FAM227B: variants seen among roughly 807,000 people sequenced by gnomAD.
FAM227B encodes protein FAM227B.
FAM227B carries 88 observed loss-of-function variants against 73.8 expected under a neutral mutation model. The observed-to-expected ratio is 1.19, with a 90% confidence interval of 1.00 to 1.42. The LOEUF is 1.42. Ranked by LOEUF, FAM227B falls within the 40% of genes most tolerant of loss-of-function variation. The probability of loss-of-function intolerance (pLI) is 0.00; values close to 1 mark genes in which losing one functional copy is unlikely to be tolerated. For synonymous variants in FAM227B, 210 were observed against 190.5 expected (o/e 1.10, Z -0.84); for missense variants, 632 against 590.9 (o/e 1.07, Z -0.72).
chr15:49,438,820 T>C lies in FAM227B; in HGVS notation c.1013-67421A>G, dbSNP rs192101115. Among the ~76,000 whole-genome samples, 741 of 133,468 alleles carry C rather than the reference T, an allele frequency of 5.6e-3. 5 individuals carry two copies. The highest frequency in any genetic ancestry group is 0.019 in the African/African-American group (709 of 37,722). The allele number at this position is 133,468 out of a possible 152,430, so 87.6% of individuals were successfully genotyped here. A position where few individuals can be genotyped will look rare whatever the true frequency, so the allele number is the denominator to read the frequency against. On this transcript the variant is annotated intron_variant, in intron 11 of 15. Transcript: ENST00000299338. ...GATTACAGTTGTTAAATGTTACCAA[T>C]AGTGCTAAGCAACTGAGAGAGAGAG...
intron 11 of FAM227B, among the ~76,000 whole-genome samples, chr15:49,407,993 C>T (rs2048632889): frequency 6.6e-6 from 1 of 152,088 alleles, no homozygotes; most frequent in African/African-American, 2.4e-5. Context: ...GAGATTCATG[C>T]ACATGTTCTA....
intron 10 of FAM227B, among the ~76,000 whole-genome samples, chr15:49,515,006 A>AG (rs935147610): frequency 6.6e-6 from 1 of 152,146 alleles, no homozygotes; most frequent in Non-Finnish European, 1.5e-5. Flanking sequence ...ATTTTTGAAA[A>AG]GACCACTCTT....
chr15:49,460,999 T>G (rs1891779900), intron 11 of FAM227B, among the ~76,000 whole-genome samples: 1 of 152,158 alleles, frequency 6.6e-6, no homozygotes, highest in Non-Finnish European at 1.5e-5. Context: ...AAAGAATGAG[T>G]GATATTCATC....
intron 9 of FAM227B, among the ~76,000 whole-genome samples, chr15:49,550,745 G>C (rs748467236): frequency 1.3e-5 from 2 of 148,340 alleles, no homozygotes; most frequent in Admixed American, 6.7e-5. Context: ...AGAGGCGCTC[G>C]TCACTTCCTA....
chr15:49,391,040 T>A lies in FAM227B; in HGVS notation c.1013-19641A>T, dbSNP rs542971476. Among the ~76,000 whole-genome samples, 139 of 152,180 alleles carry A rather than the reference T, an allele frequency of 9.1e-4. 5 individuals carry two copies. In the South Asian group the frequency reaches 0.028, roughly 30 times the overall value. The stretch of plus-strand genomic sequence containing the variant: ...AGTTTCCGGCAACTCACTTTCCAAT[T>A]GGGTCTCAACTTTTTCATTTGTAAA... On this transcript the variant is annotated intron_variant, in intron 11 of 15. Transcript: ENST00000299338.
intron 13 of FAM227B, among the ~76,000 whole-genome samples, chr15:49,349,256 C>G (rs1000827691): frequency 1.3e-5 from 2 of 152,108 alleles, no homozygotes; most frequent in Non-Finnish European, 2.9e-5. Flanking sequence ...CATACTCATT[C>G]ATGTGAAACA....
chr15:49,561,537 A>C (rs1211987911), intron 9 of FAM227B, among the ~76,000 whole-genome samples: 10 of 152,060 alleles, frequency 6.6e-5, no homozygotes, highest in Non-Finnish European at 1.0e-4. Flanking sequence ...TCTACAGAGC[A>C]CTCCACCCAT....
chr15:49,587,836 T>C (rs1003557011), intron 5 of FAM227B, among the ~76,000 whole-genome samples, 180 bp downstream of exon 5: 16 of 152,064 alleles, frequency 1.1e-4, no homozygotes, highest in African/African-American at 3.6e-4. Context: ...CAATACTCAG[T>C]AATACTGAGT....
At chr15:49,353,716 G>A (rs2042605095) in intron 13 of FAM227B, 1 of 150,998 alleles carries the variant, frequency 6.6e-6, no homozygotes, top group Admixed American at 6.6e-5. Context: ...AAGGACTGAG[G>A]GAAAAAAGAT....
intron 11 of FAM227B, among the ~76,000 whole-genome samples, chr15:49,502,594 C>A (rs1567419568): frequency 1.3e-5 from 2 of 152,112 alleles, no homozygotes; most frequent in Middle Eastern, 3.2e-3. Context: ...TTGTTTTTGA[C>A]CTTACAGGCT....
intron 9 of FAM227B, among the ~76,000 whole-genome samples, chr15:49,563,167 G>A (rs2074389675): frequency 6.6e-6 from 1 of 152,084 alleles, no homozygotes; most frequent in East Asian, 1.9e-4. Flanking sequence ...CAAAACCAAT[G>A]TACAAAACTC....
chr15:49,408,377 G>GT (rs1165296986), intron 11 of FAM227B, among the ~76,000 whole-genome samples: 2 of 152,048 alleles, frequency 1.3e-5, no homozygotes, highest in Non-Finnish European at 2.9e-5. Context: ...TCTACTTATT[G>GT]TTTGAGTTCA....
chr15:49,395,948 G>C (rs1336714507), intron 11 of FAM227B: 1 of 456,000 alleles, frequency 2.2e-6, no homozygotes, highest in East Asian at 7.0e-5. Context: ...AAAGAACAGA[G>C]GAGAACAAAA....
chr15:49,364,292 C>G (rs566272728), intron 13 of FAM227B, among the ~76,000 whole-genome samples: 1 of 152,098 alleles, frequency 6.6e-6, no homozygotes. Flanking sequence ...AATTTCAGAA[C>G]TTGTTATTGG....
chr15:49,480,355 T>C (rs544156218), intron 11 of FAM227B, among the ~76,000 whole-genome samples: 1 of 152,218 alleles, frequency 6.6e-6, no homozygotes, highest in East Asian at 1.9e-4. Flanking sequence ...CCACCCACAC[T>C]GGAGTGCTGT....
At chr15:49,369,512 T>A (rs898943235) in intron 12 of FAM227B, among the ~76,000 whole-genome samples, 1 of 152,122 alleles carries the variant, frequency 6.6e-6, no homozygotes, top group Admixed American at 6.6e-5. Context: ...AAATAGAAAG[T>A]CCAAGGGGTG....
At chr15:49,607,304 G>A (rs575309421) in intron 3 of FAM227B, among the ~76,000 whole-genome samples, 1 of 152,276 alleles carries the variant, frequency 6.6e-6, no homozygotes, top group East Asian at 1.9e-4. Context: ...TCCAAATCCT[G>A]TAAATGTGTA....
intron 4 of FAM227B, among the ~76,000 whole-genome samples, chr15:49,589,192 C>T (rs2076375237): frequency 6.6e-6 from 1 of 152,030 alleles, no homozygotes. Context: ...ACCAGCTACC[C>T]CTAGAAACTA....
At chr15:49,474,652 G>A (rs1291751991) in intron 11 of FAM227B, among the ~76,000 whole-genome samples, 3 of 152,070 alleles carry the variant, frequency 2.0e-5, no homozygotes, top group Non-Finnish European at 4.4e-5. Flanking sequence ...CCCCTGGGCT[G>A]GGGACCGGTA....
Sources: allele counts gnomAD v4.1 joint callset (sites outside exome capture counted in the v4.1 genomes callset), GRCh38; gene constraint gnomAD v4.1.1; transcripts MANE v1.5; gene names NCBI Gene and HGNC (gene_info 2026-07-23, HGNC 2026-07-21).